Variants in SLC23A2 observed in about 807,000 individuals in gnomAD.
The protein encoded by SLC23A2 is Na(+)/L-ascorbic acid transporter 2.
SLC23A2 carries 36 observed loss-of-function variants against 73.3 expected under a neutral mutation model. The ratio of observed to expected loss-of-function variants is 0.49; its 90% CI spans 0.38 to 0.65. The LOEUF is 0.65. SLC23A2 is among the 30% of genes least tolerant of loss of function. The pLI is 0.00. For synonymous variants in SLC23A2, 343 were observed against 327.3 expected, an observed-to-expected ratio of 1.05 and a Z score of -0.52; for missense variants, 507 against 841.6, an observed-to-expected ratio of 0.60 and a Z score of 4.92.
chr20:4,900,216 T>C (rs1931694810), intron 5 of SLC23A2, among the ~76,000 whole-genome samples: 1 of 152,242 alleles, frequency 6.6e-6, no homozygotes, highest in African/African-American at 2.4e-5. Context: ...CTATTCACTG[T>C]CATTATTACT....
At chr20:4,864,383 G>A (rs1930109686) in intron 13 of SLC23A2, among the ~76,000 whole-genome samples, 1 of 152,200 alleles carries the variant, frequency 6.6e-6, no homozygotes, top group Admixed American at 6.5e-5. Context: ...ATCAGAGCCT[G>A]ATCTGAGGCT....
At chr20:4,942,848 G>T (rs530509628) in intron 2 of SLC23A2, among the ~76,000 whole-genome samples, 228 of 152,242 alleles carry the variant, frequency 1.5e-3, no homozygotes, top group Middle Eastern at 3.4e-3. Flanking sequence ...CTAGCAGAGT[G>T]AGCAGGTAAC....
In SLC23A2 at chr20:4,899,853, T is replaced by C. The variant is rs1005386977; in HGVS notation, c.325-141A>G. 6 of 832,884 alleles carry C rather than the reference T, an allele frequency of 7.2e-6. No homozygotes were observed. Among genetic ancestry groups the C allele is most frequent in the African/African-American group, 3.4e-5 (2 of 58,014 alleles). 51.6% of individuals were successfully genotyped at this position (832,884 alleles called of 1,614,324 possible). On this transcript the variant is annotated intron_variant, in intron 5 of 16. Coordinates refer to ENST00000338244, the MANE Select transcript of SLC23A2 (RefSeq NM_005116.6). The surrounding 1 kb of genome is among the most constrained non-coding windows in gnomAD (Gnocchi z 4.9). ...CCTTGGTTTTTCGACCAAGCCATAC[T>C]TTTTTCCTTCTTTTTCAGTATTTCT... is the stretch of plus-strand genomic sequence containing the variant.
chr20:5,003,504 T>C (rs375172917), upstream of SLC23A2, among the ~76,000 whole-genome samples: 23 of 151,790 alleles, frequency 1.5e-4, no homozygotes, highest in African/African-American at 5.6e-4. Context: ...ATAGAGCGTA[T>C]TCCAGCCAAC....
chr20:4,885,204 T>C (rs756270556), intron 7 of SLC23A2, among the ~76,000 whole-genome samples: 9 of 152,128 alleles, frequency 5.9e-5, no homozygotes, highest in Non-Finnish European at 1.3e-4. Flanking sequence ...AGTTCCCAGA[T>C]CAAATCAGTG....
intron 9 of SLC23A2, among the ~76,000 whole-genome samples, chr20:4,876,085 C>T (rs745801440): frequency 2.6e-5 from 4 of 152,078 alleles, no homozygotes; most frequent in South Asian, 2.1e-4. Context: ...CACACAGTGC[C>T]CACGTTATTT....
chr20:4,974,126 T>C (rs2087607686), intron 1 of SLC23A2, among the ~76,000 whole-genome samples: 1 of 152,166 alleles, frequency 6.6e-6, no homozygotes, highest in African/African-American at 2.4e-5. Context: ...AATCATTCTA[T>C]CAATTCAGTA....
chr20:5,005,029 A>AAATG (rs2088175732), upstream of SLC23A2, among the ~76,000 whole-genome samples: 1 of 150,786 alleles, frequency 6.6e-6, no homozygotes, highest in South Asian at 2.1e-4. Context: ...ATAAATAAAT[A>AAATG]AATAAATAAA....
rs1189213118 is a variant in SLC23A2 at position 4,872,312 on chromosome 20, T to C, written c.1102+1624A>G. Among the ~76,000 whole-genome samples the C allele has an allele frequency of 6.8e-6, 1 of 147,826 alleles. No individual in the cohort carries two copies. Among genetic ancestry groups the C allele is most frequent in the African/African-American group, 2.5e-5 (1 of 39,240 alleles). On this transcript the variant is annotated intron_variant, in intron 11 of 16. Transcript: ENST00000338244. The surrounding 1 kb of genome is among the most constrained non-coding windows in gnomAD (Gnocchi z 4.4). ...GACTATATCCCTGGAGGTGGCTTTCTAGCTATGGAGCTCTGGTACCCCACC... is the reference window on the plus strand; with the variant it reads ...GACTATATCCCTGGAGGTGGCTTTCCAGCTATGGAGCTCTGGTACCCCACC...
intron 2 of SLC23A2, among the ~76,000 whole-genome samples, chr20:4,953,695 C>A (rs1401229823): frequency 2.6e-5 from 4 of 152,054 alleles, no homozygotes; most frequent in Admixed American, 2.0e-4. Context: ...TCAAGACCAG[C>A]TTAGCCAACA....
intron 2 of SLC23A2, among the ~76,000 whole-genome samples, chr20:4,954,698 C>CAAAAAAAAA (rs200579910): frequency 5.5e-5 from 3 of 54,996 alleles, no homozygotes; most frequent in Non-Finnish European, 8.9e-5. Flanking sequence ...GACTCCATCA[C>CAAAAAAAAA]AAAAAAAAAA....
chr20:4,890,796 TG>T (rs1201011596), intron 6 of SLC23A2, among the ~76,000 whole-genome samples: 1 of 152,216 alleles, frequency 6.6e-6, no homozygotes, highest in Non-Finnish European at 1.5e-5. Flanking sequence ...TATCTATTCG[TG>T]GTGATGGTGA....
intron 9 of SLC23A2, among the ~76,000 whole-genome samples, chr20:4,880,059 C>T (rs556272215): frequency 2.4e-4 from 37 of 152,302 alleles, no homozygotes; most frequent in Middle Eastern, 6.8e-3. Flanking sequence ...TAGAATGTGC[C>T]GCAATACATC....
At chr20:4,867,325 A>G (rs1449192645) in intron 13 of SLC23A2, among the ~76,000 whole-genome samples, 3 of 152,052 alleles carry the variant, frequency 2.0e-5, no homozygotes, top group Admixed American at 2.0e-4. Flanking sequence ...TCCACCCTTC[A>G]GGTCTGTGTT....
At chr20:5,005,315 A>G (rs573973047), upstream of SLC23A2, among the ~76,000 whole-genome samples, 5 of 152,164 alleles carry the variant, frequency 3.3e-5, no homozygotes, top group Non-Finnish European at 5.9e-5. Context: ...TTAAAAAAAT[A>G]CATCAAATTT....
At chr20:4,943,169 T>C (rs1007953255) in intron 2 of SLC23A2, among the ~76,000 whole-genome samples, 1 of 151,684 alleles carries the variant, frequency 6.6e-6, no homozygotes. Context: ...AGATAGATGT[T>C]CCATAAATGC....
At chr20:4,891,488 T>C (rs1271515033) in intron 6 of SLC23A2, among the ~76,000 whole-genome samples, 1 of 152,192 alleles carries the variant, frequency 6.6e-6, no homozygotes, top group African/African-American at 2.4e-5. Flanking sequence ...CTGGATCAAA[T>C]GCCCTTACAG....
intron 3 of SLC23A2, among the ~76,000 whole-genome samples, chr20:4,914,352 T>C (rs1932254554): frequency 6.6e-6 from 1 of 152,126 alleles, no homozygotes; most frequent in African/African-American, 2.4e-5. Flanking sequence ...CATGAAAAGC[T>C]GTTCCATATC....
At chr20:4,877,573 GA>G (rs1930708554) in intron 9 of SLC23A2, among the ~76,000 whole-genome samples, 1 of 152,128 alleles carries the variant, frequency 6.6e-6, no homozygotes, top group Non-Finnish European at 1.5e-5. Context: ...ACAATCATGA[GA>G]TTTTTTTGAG....
Sources: gnomAD v4.1 joint callset for allele counts (sites outside exome capture counted in the v4.1 genomes callset) on GRCh38, gnomAD v4.1.1 for gene constraint, Gnocchi (gnomAD v3.1) non-coding constraint, MANE v1.5 for transcripts, NCBI Gene and HGNC (gene_info 2026-07-23, HGNC 2026-07-21) for gene names.